The following EDN1 variants were observed in gnomAD, a reference collection of about 807,000 sequenced individuals.
EDN1 encodes the protein endothelin 1.
EDN1 carries 11 observed loss-of-function variants against 21.7 expected under a neutral mutation model. The ratio of observed to expected loss-of-function variants is 0.51; its 90% CI spans 0.32 to 0.84. The LOEUF (loss-of-function observed/expected upper bound fraction) is 0.84, where lower values mean the gene tolerates loss of function less well. Among genes scored for constraint, EDN1 ranks in the 40% least tolerant of loss-of-function variants. EDN1 has a pLI of 0.03. For synonymous variants in EDN1, 85 were observed against 90.6 expected (o/e 0.94, Z 0.35); for missense variants, 244 against 262.3 (o/e 0.93, Z 0.48).
chr6:12,245,778 G>T, the EDN1 span, among the ~76,000 whole-genome samples: 1 of 152,328 alleles, frequency 6.6e-6, no homozygotes, highest in African/African-American at 2.4e-5. Flanking sequence ...TGAGTGAGTG[G>T]GGTGATTATT....
the EDN1 span, among the ~76,000 whole-genome samples, chr6:12,238,186 A>AG: frequency 4.6e-5 from 7 of 151,770 alleles, no homozygotes; most frequent in African/African-American, 1.5e-4. Context: ...AAAAAAAAAA[A>AG]AAAAGGGAAA....
chr6:12,284,680 AAGAAAG>A, the EDN1 span, among the ~76,000 whole-genome samples: 1 of 150,864 alleles, frequency 6.6e-6, no homozygotes, highest in African/African-American at 2.4e-5. Context: ...GAAAGAAAGA[AAGAAAG>A]AGAGAAAGAA....
chr6:12,262,787 G>A, the EDN1 span, among the ~76,000 whole-genome samples: 1 of 150,946 alleles, frequency 6.6e-6, no homozygotes, highest in East Asian at 1.9e-4. Flanking sequence ...CAAGAGAATC[G>A]CTTAAACCTG....
the EDN1 span, among the ~76,000 whole-genome samples, chr6:12,255,634 G>T: frequency 9.2e-5 from 14 of 152,202 alleles, no homozygotes; most frequent in Non-Finnish European, 1.9e-4. Flanking sequence ...ACAAATGTCT[G>T]CTTCAACTGG....
chr6:12,280,739 A>G, the EDN1 span, among the ~76,000 whole-genome samples: 2 of 152,178 alleles, frequency 1.3e-5, no homozygotes, highest in Non-Finnish European at 2.9e-5. Flanking sequence ...CACTGAAAGT[A>G]CAAATTAGCC....
At position 12,294,023 on chromosome 6, in the gene EDN1, G is replaced by A. The variant is rs779139823; in HGVS notation, c.316G>A (p.Glu106Lys). Residue 106 changes from glutamate (E) to lysine (K), a missense_variant, in exon 3 of 5, where the codon GAA (glutamate) becomes AAA (lysine). Transcript: ENST00000379375. ...ACTTCCCACAAAGGCAACAGACCGT[G>A]AAAATAGATGCCAATGTGCTAGCCA... ...NLLPTKATDR[E>K]NRCQCASQKD... 9.9e-6 allele frequency: 16 copies of A among 1,614,118 alleles called. No homozygotes were observed. The highest frequency in any genetic ancestry group is 1.7e-6 in the Non-Finnish European group (2 of 1,180,052).
the EDN1 span, among the ~76,000 whole-genome samples, chr6:12,236,665 G>T: frequency 6.6e-6 from 1 of 151,730 alleles, no homozygotes; most frequent in Non-Finnish European, 1.5e-5. Context: ...ATGAAATTAG[G>T]AAAAAAACTG....
chr6:12,278,252 A>C, the EDN1 span, among the ~76,000 whole-genome samples: 1 of 152,214 alleles, frequency 6.6e-6, no homozygotes, highest in Non-Finnish European at 1.5e-5. Flanking sequence ...CTTATTATTT[A>C]CAATAACTGT....
At chr6:12,233,665 T>C in the EDN1 span, among the ~76,000 whole-genome samples, 1 of 152,140 alleles carries the variant, frequency 6.6e-6, no homozygotes, top group Non-Finnish European at 1.5e-5. Flanking sequence ...CAAGACCCAG[T>C]GGCATCACGC....
chr6:12,253,880 C>A, the EDN1 span, among the ~76,000 whole-genome samples: 1 of 152,126 alleles, frequency 6.6e-6, no homozygotes, highest in Non-Finnish European at 1.5e-5. Context: ...CCGCCCGTGA[C>A]GTTTTGTTTT....
chr6:12,242,842 A>G, the EDN1 span, among the ~76,000 whole-genome samples: 1 of 152,082 alleles, frequency 6.6e-6, no homozygotes, highest in African/African-American at 2.4e-5. Flanking sequence ...AACCATTATG[A>G]TTCTCATGAA....
the EDN1 span, among the ~76,000 whole-genome samples, chr6:12,238,171 CAAAAA>C: frequency 9.6e-6 from 1 of 104,448 alleles, no homozygotes; most frequent in Non-Finnish European, 1.9e-5. Flanking sequence ...GACTCTATCT[CAAAAA>C]AAAAAAAAAA....
At chr6:12,231,970 A>G in the EDN1 span, among the ~76,000 whole-genome samples, 15,451 of 151,286 alleles carry the variant, frequency 0.1, 966 homozygotes, top group African/African-American at 0.16. Flanking sequence ...TTAAAACCAT[A>G]AAGACTTTTT....
chr6:12,260,391 T>A, the EDN1 span, among the ~76,000 whole-genome samples: 1 of 152,202 alleles, frequency 6.6e-6, no homozygotes, highest in Non-Finnish European at 1.5e-5. Flanking sequence ...CTCCCTACTC[T>A]GAGTTCAATT....
the EDN1 span, among the ~76,000 whole-genome samples, chr6:12,270,664 T>A: frequency 6.6e-6 from 1 of 152,092 alleles, no homozygotes; most frequent in Non-Finnish European, 1.5e-5. Context: ...GATTTAAAAA[T>A]TTTTTTTGAC....
At chr6:12,259,258 A>G in the EDN1 span, among the ~76,000 whole-genome samples, 1,553 of 152,090 alleles carry the variant, frequency 0.01, 12 homozygotes, top group Non-Finnish European at 0.017. Flanking sequence ...TACAGATGAC[A>G]CAAATATAAT....
chr6:12,290,902 A>C (rs1236844481), intron 1 of EDN1, among the ~76,000 whole-genome samples: 1 of 151,504 alleles, frequency 6.6e-6, no homozygotes, highest in African/African-American at 2.4e-5. Context: ...GGTGCAATTG[A>C]CTATAACATG....
chr6:12,255,850 A>T, the EDN1 span, among the ~76,000 whole-genome samples: 1 of 152,216 alleles, frequency 6.6e-6, no homozygotes. Context: ...ATTGAGAGAG[A>T]GTGTGTTTGC....
chr6:12,271,835 G>A, the EDN1 span, among the ~76,000 whole-genome samples: 2 of 152,164 alleles, frequency 1.3e-5, no homozygotes, highest in African/African-American at 2.4e-5. Context: ...TAGCTTTCCT[G>A]AGCATAATAT....
Sources: allele counts gnomAD v4.1 joint callset (sites outside exome capture counted in the v4.1 genomes callset), GRCh38; gene constraint gnomAD v4.1.1; transcripts MANE v1.5; gene names NCBI Gene and HGNC (gene_info 2026-07-23, HGNC 2026-07-21).